Variants in ESRRB observed in about 807,000 individuals in gnomAD.
The protein encoded by ESRRB is steroid hormone receptor ERR2.
In ESRRB, 16 loss-of-function variants were observed where a neutral mutation model predicts 46.0. The ratio of observed to expected loss-of-function variants is 0.35; its 90% CI spans 0.24 to 0.53. The LOEUF (loss-of-function observed/expected upper bound fraction) is 0.53, where lower values mean the gene tolerates loss of function less well. ESRRB is among the 20% of genes least tolerant of loss of function. The probability of loss-of-function intolerance (pLI) is 0.93; values close to 1 mark genes in which losing one functional copy is unlikely to be tolerated. For missense variants in ESRRB, 488 were observed against 607.4 expected (o/e 0.80, Z 2.07); for synonymous variants, 246 against 259.6 (o/e 0.95, Z 0.50).
intron 1 of ESRRB, among the ~76,000 whole-genome samples, chr14:76,416,133 C>CTTTT (rs550161182): frequency 6.1e-5 from 8 of 131,750 alleles, no homozygotes; most frequent in African/African-American, 2.1e-4. Flanking sequence ...ACCATTTTCC[C>CTTTT]TTTTTTTTTT....
intron 1 of ESRRB, among the ~76,000 whole-genome samples, chr14:76,426,263 G>A (rs1250063866): frequency 2.0e-5 from 3 of 152,184 alleles, no homozygotes; most frequent in Non-Finnish European, 2.9e-5. Context: ...GGAGGGAGTG[G>A]AGTGGGGAAG....
At chr14:76,489,445 C>CCACACACACACACACACACA (rs56091857) in intron 5 of ESRRB, among the ~76,000 whole-genome samples, 2,156 of 129,564 alleles carry the variant, frequency 0.017, 52 homozygotes, top group East Asian at 0.054. Flanking sequence ...ATCTGGACAA[C>CCACACACACACACACACACA]CACACACACA....
intron 3 of ESRRB, among the ~76,000 whole-genome samples, chr14:76,479,105 T>C (rs1889699487): frequency 6.6e-6 from 1 of 152,178 alleles, no homozygotes; most frequent in Admixed American, 6.5e-5. Context: ...GCCTGAGATT[T>C]TGAGGCATCT....
At chr14:76,312,170 T>C (rs1391673080) in intron 1 of ESRRB, among the ~76,000 whole-genome samples, 1 of 152,096 alleles carries the variant, frequency 6.6e-6, no homozygotes, top group Non-Finnish European at 1.5e-5. Flanking sequence ...TTAAAAGCAT[T>C]AAACAAAGCA....
intron 2 of ESRRB, among the ~76,000 whole-genome samples, chr14:76,447,205 C>G (rs1888183408): frequency 6.6e-6 from 1 of 151,950 alleles, no homozygotes; most frequent in African/African-American, 2.4e-5. Flanking sequence ...CGGCTATTAC[C>G]TCCTCTCCTT....
At chr14:76,357,142 C>A (rs1312023792) in intron 1 of ESRRB, among the ~76,000 whole-genome samples, 3 of 152,210 alleles carry the variant, frequency 2.0e-5, no homozygotes, top group African/African-American at 7.2e-5. Context: ...ACCACTCCTG[C>A]CCAGTGCCAC....
intron 2 of ESRRB, among the ~76,000 whole-genome samples, chr14:76,450,937 C>T (rs1888358591): frequency 6.6e-6 from 1 of 152,190 alleles, no homozygotes; most frequent in Non-Finnish European, 1.5e-5. Flanking sequence ...ATCTGTAGGG[C>T]ACTGGCAAAT....
chr14:76,312,994 G>A (rs990963150), intron 1 of ESRRB, among the ~76,000 whole-genome samples: 1 of 152,200 alleles, frequency 6.6e-6, no homozygotes, highest in Non-Finnish European at 1.5e-5. Flanking sequence ...GTGGGAGAGA[G>A]TCCCGCATTC....
intron 1 of ESRRB, among the ~76,000 whole-genome samples, chr14:76,333,020 TTATATATTA>T (rs1269902035): frequency 3.4e-4 from 5 of 14,816 alleles, no homozygotes; most frequent in African/African-American, 4.6e-4. Flanking sequence ...TATTTATATA[TTATATATTA>T]TATATATTAT....
chr14:76,369,338 G>A (rs1319607401), upstream of ESRRB, among the ~76,000 whole-genome samples: 1 of 149,852 alleles, frequency 6.7e-6, no homozygotes, highest in African/African-American at 2.4e-5. Flanking sequence ...GCAGTGGCAT[G>A]ATCTTGGCTC....
chr14:76,487,624 G>A (rs1284227875), intron 5 of ESRRB, among the ~76,000 whole-genome samples: 1 of 148,420 alleles, frequency 6.7e-6, no homozygotes, highest in Non-Finnish European at 1.5e-5. Flanking sequence ...TTCTTTTTGA[G>A]CCAGGATCTC....
chr14:76,403,670 C>T (rs2139844891), intron 1 of ESRRB, among the ~76,000 whole-genome samples: 2 of 152,156 alleles, frequency 1.3e-5, no homozygotes, highest in Middle Eastern at 6.8e-3. Context: ...AGAGGTGGTC[C>T]CTGAGAGTGC....
intron 1 of ESRRB, among the ~76,000 whole-genome samples, chr14:76,315,326 A>C (rs948174092): frequency 7.9e-5 from 12 of 152,078 alleles, no homozygotes; most frequent in Non-Finnish European, 1.6e-4. Context: ...AGGAGAGTCC[A>C]TGCTTCATTT....
At chr14:76,406,553 A>C (rs1325750737) in intron 1 of ESRRB, among the ~76,000 whole-genome samples, 1 of 152,108 alleles carries the variant, frequency 6.6e-6, no homozygotes, top group Admixed American at 6.5e-5. Flanking sequence ...AGACCAGCCT[A>C]GACAACATAG....
At chr14:76,434,181 G>T (rs749451756) in intron 1 of ESRRB, among the ~76,000 whole-genome samples, 5 of 152,154 alleles carry the variant, frequency 3.3e-5, no homozygotes, top group African/African-American at 4.8e-5. Flanking sequence ...GAACACATGA[G>T]GTCCTGGGGG....
intron 1 of ESRRB, among the ~76,000 whole-genome samples, chr14:76,419,172 G>T (rs1300267557): frequency 2.6e-5 from 4 of 151,874 alleles, no homozygotes; most frequent in African/African-American, 9.7e-5. Context: ...GTGCCACTGT[G>T]CCTGGCTAAT....
intron 3 of ESRRB, among the ~76,000 whole-genome samples, 160 bp downstream of exon 3, chr14:76,462,821 C>T (rs928584229): frequency 2.6e-5 from 4 of 152,316 alleles, no homozygotes; most frequent in African/African-American, 4.8e-5. Flanking sequence ...CCACGGCGCC[C>T]GCATGGCTCT....
chr14:76,367,556 CAA>C (rs550594147), upstream of ESRRB, among the ~76,000 whole-genome samples: 151 of 103,370 alleles, frequency 1.5e-3, no homozygotes, highest in African/African-American at 3.8e-3. Flanking sequence ...GATCCTGTCT[CAA>C]AAAAAAAAAA....
At chr14:76,323,240 AT>A (rs1204785346) in intron 1 of ESRRB, among the ~76,000 whole-genome samples, 5 of 148,502 alleles carry the variant, frequency 3.4e-5, no homozygotes, top group Non-Finnish European at 6.0e-5. Context: ...CTTTGGGGAC[AT>A]TTTTTTTCTA....
Sources: allele counts gnomAD v4.1 joint callset (sites outside exome capture counted in the v4.1 genomes callset), GRCh38; gene constraint gnomAD v4.1.1; transcripts MANE v1.5; gene names NCBI Gene and HGNC (gene_info 2026-07-23, HGNC 2026-07-21).